CENPP: variants seen among roughly 807,000 people sequenced by gnomAD.
The protein encoded by CENPP is centromere protein P.
In CENPP, 24 loss-of-function variants were observed where a neutral mutation model predicts 35.6. That is an observed-to-expected ratio of 0.67 (90% CI 0.49 to 0.95). CENPP has a LOEUF of 0.95. Among genes scored for constraint, CENPP ranks in the 40% least tolerant of loss-of-function variants. The pLI is 0.00. For missense variants in CENPP, 332 were observed against 345.3 expected (o/e 0.96, Z 0.31); for synonymous variants, 120 against 125.5 (o/e 0.96, Z 0.29).
At chr9:92,449,175 G>T (rs1333481469) in intron 5 of CENPP, among the ~76,000 whole-genome samples, 1 of 152,092 alleles carries the variant, frequency 6.6e-6, no homozygotes, top group Non-Finnish European at 1.5e-5. Flanking sequence ...GGGTGTGGTG[G>T]CTCAAGCCTG....
At chr9:92,551,853 A>C (rs1849593671) in intron 5 of CENPP, among the ~76,000 whole-genome samples, 1 of 150,298 alleles carries the variant, frequency 6.7e-6, no homozygotes, top group East Asian at 1.9e-4. Context: ...GTGTGTATAT[A>C]TATATAATGG....
At chr9:92,522,982 G>A in intron 5 of CENPP, 1 of 1,249,488 alleles carries the variant, frequency 8.0e-7, no homozygotes. Flanking sequence ...GCCTCAGTAG[G>A]CAAGTCTTTG....
chr9:92,436,612 A>G (rs1006916745), intron 5 of CENPP, among the ~76,000 whole-genome samples: 4 of 152,248 alleles, frequency 2.6e-5, no homozygotes, highest in East Asian at 3.9e-4. Context: ...TGGCTATTCA[A>G]TTACTCAATT....
intron 5 of CENPP, among the ~76,000 whole-genome samples, chr9:92,572,535 T>G (rs539672260): frequency 1.8e-4 from 27 of 152,336 alleles, no homozygotes; most frequent in African/African-American, 4.6e-4. Context: ...TTTCCTTCAT[T>G]TCAGCTTTGG....
rs3078380 is a variant in CENPP at position 92,565,293 on chromosome 9, TAA to T, written c.565-45992_565-45991del. Reference sequence around the variant, plus strand: ...ACTAACACTATGATAGCTGATGAGCTAAAAAAAAAAAAAAAAAAAAAAAAAAA... The same window carrying T: ...ACTAACACTATGATAGCTGATGAGCTAAAAAAAAAAAAAAAAAAAAAAAAA... On this transcript the variant is annotated intron_variant, in intron 5 of 7. Coordinates refer to ENST00000375587, the MANE Select transcript of CENPP (RefSeq NM_001012267.3). 6.0e-3 allele frequency among the ~76,000 whole-genome samples: 200 copies of T among 33,114 alleles called. 2 individuals carry two copies. Among genetic ancestry groups the T allele is most frequent in the African/African-American group, 0.022 (157 of 7,050 alleles). 21.7% of individuals were successfully genotyped at this position (33,114 alleles called of 152,430 possible). A position where few individuals can be genotyped will look rare whatever the true frequency, so the allele number is the denominator to read the frequency against.
intron 5 of CENPP, chr9:92,495,459 T>G (rs1846301814): frequency 1.0e-6 from 1 of 985,018 alleles, no homozygotes; most frequent in South Asian, 4.7e-5. Flanking sequence ...GGTGCAAAAT[T>G]TTTCAAAAAT....
At chr9:92,479,078 T>A (rs567430291) in intron 5 of CENPP, among the ~76,000 whole-genome samples, 3 of 152,080 alleles carry the variant, frequency 2.0e-5, no homozygotes, top group Non-Finnish European at 4.4e-5. Flanking sequence ...GAGCTGAGGT[T>A]CGAGATGAGG....
chr9:92,619,837 G>C lies in CENPP; in HGVS notation c.*6688G>C, dbSNP rs146223857. On this transcript the variant is annotated 3_prime_UTR_variant, in exon 8 of 8. Coordinates refer to ENST00000375587, the MANE Select transcript of CENPP (RefSeq NM_001012267.3). ...GTGTGGGACCCCGACTCCAGACCCT[G>C]AGACGGATGATCTGTCTTCAGCAAG... 2.3e-3 allele frequency: 1,146 copies of C among 493,580 alleles called. 1 individual carries two copies. The highest frequency in any genetic ancestry group is 3.6e-3 in the Non-Finnish European group (960 of 269,102). 30.6% of individuals were successfully genotyped at this position (493,580 alleles called of 1,614,324 possible). A position where few individuals can be genotyped will look rare whatever the true frequency, so the allele number is the denominator to read the frequency against.
At chr9:92,555,691 T>G (rs180707050) in intron 5 of CENPP, among the ~76,000 whole-genome samples, 154 of 152,320 alleles carry the variant, frequency 1.0e-3, no homozygotes, top group Non-Finnish European at 8.5e-4. Flanking sequence ...GTGTTCATAG[T>G]AGCCTTGAAT....
chr9:92,603,011 G>A (rs1233057793), intron 5 of CENPP, among the ~76,000 whole-genome samples: 20 of 151,988 alleles, frequency 1.3e-4, no homozygotes, highest in Admixed American at 1.0e-3. Flanking sequence ...GGGTGGTCTC[G>A]ATCTCTTGAC....
chr9:92,389,877 C>T (rs762538825), intron 5 of CENPP: 4 of 1,611,500 alleles, frequency 2.5e-6, no homozygotes, highest in Non-Finnish European at 2.5e-6. Flanking sequence ...GCTTTGATTC[C>T]CCTACTCTTG....
intron 4 of CENPP, among the ~76,000 whole-genome samples, chr9:92,353,340 CA>C (rs1437393106): frequency 1.3e-5 from 2 of 152,150 alleles, no homozygotes; most frequent in African/African-American, 4.8e-5. Context: ...GCAAGCACCT[CA>C]GGGGGTCGTG....
intron 5 of CENPP, among the ~76,000 whole-genome samples, chr9:92,533,346 T>A (rs1381052108): frequency 2.9e-4 from 36 of 123,784 alleles, no homozygotes; most frequent in Non-Finnish European, 5.2e-4. Context: ...TATATATATA[T>A]ATATATATAT....
chr9:92,516,072 TCCCC>T (rs76297691), intron 5 of CENPP, among the ~76,000 whole-genome samples: 1 of 139,694 alleles, frequency 7.2e-6, no homozygotes, highest in African/African-American at 2.6e-5. Context: ...TACTTTTTTT[TCCCC>T]CCCCCGAGAC....
chr9:92,525,893 CAAAAAAA>C (rs71362395), intron 5 of CENPP, among the ~76,000 whole-genome samples: 1 of 43,908 alleles, frequency 2.3e-5, no homozygotes, highest in African/African-American at 8.5e-5. Flanking sequence ...ACTCTATCTC[CAAAAAAA>C]AAAAAAAAAA....
In CENPP at chr9:92,437,421, T is replaced by G. The variant is rs189143330; in HGVS notation, c.564+57562T>G. Among the ~76,000 whole-genome samples, 178 of 151,590 alleles carry G rather than the reference T, an allele frequency of 1.2e-3. 1 individual carries two copies. The highest frequency in any genetic ancestry group is 1.5e-3 in the East Asian group (8 of 5,170). ...TTTGTCTTTTTTTTTGTTTTGTTTT[T>G]TTTTTTTGGACAGAGTCTCGCTATG... On this transcript the variant is annotated intron_variant, in intron 5 of 7. Transcript: ENST00000375587.
intron 5 of CENPP, among the ~76,000 whole-genome samples, chr9:92,458,942 G>T (rs1844987339): frequency 6.6e-6 from 1 of 152,192 alleles, no homozygotes; most frequent in South Asian, 2.1e-4. Flanking sequence ...AGGCAGAGTG[G>T]CTTGTTGCCC....
chr9:92,423,626 T>C (rs1433570707), intron 5 of CENPP, among the ~76,000 whole-genome samples: 1 of 152,152 alleles, frequency 6.6e-6, no homozygotes, highest in Non-Finnish European at 1.5e-5. Flanking sequence ...TACATTTAAA[T>C]CGTAATTAAC....
At chr9:92,427,305 G>GGTGT (rs1432313559) in intron 5 of CENPP, among the ~76,000 whole-genome samples, 1 of 152,138 alleles carries the variant, frequency 6.6e-6, no homozygotes, top group African/African-American at 2.4e-5. Flanking sequence ...TGGGATTACA[G>GGTGT]GTGTGCACCA....
Sources: allele counts gnomAD v4.1 joint callset (sites outside exome capture counted in the v4.1 genomes callset), GRCh38; gene constraint gnomAD v4.1.1; transcripts MANE v1.5; gene names NCBI Gene and HGNC (gene_info 2026-07-23, HGNC 2026-07-21).